TNRC6B: variants seen among roughly 807,000 people sequenced by gnomAD.
TNRC6B encodes the protein trinucleotide repeat-containing gene 6B protein.
In TNRC6B, 52 loss-of-function variants were observed where a neutral mutation model predicts 203.6. That is an observed-to-expected ratio of 0.26 (90% CI 0.20 to 0.32). The LOEUF is 0.32. TNRC6B is among the 10% of genes least tolerant of loss of function. The pLI, the probability that TNRC6B is intolerant of heterozygous loss-of-function variation, is 1.00. For missense variants in TNRC6B, 1,923 were observed against 2,286.2 expected (o/e 0.84, Z 3.24); for synonymous variants, 838 against 845.7 (o/e 0.99, Z 0.16).
intron 21 of TNRC6B, among the ~76,000 whole-genome samples, chr22:40,320,187 T>C (rs1408607711): frequency 6.6e-6 from 1 of 152,148 alleles, no homozygotes; most frequent in Non-Finnish European, 1.5e-5. Context: ...AATACCTATT[T>C]AAGATCTTGA....
intron 1 of TNRC6B, among the ~76,000 whole-genome samples, chr22:40,099,110 C>T (rs542374533): frequency 1.4e-4 from 21 of 151,986 alleles, no homozygotes; most frequent in Admixed American, 2.6e-4. Flanking sequence ...ATTAGCCGGG[C>T]ACCGTGGTGG....
chr22:40,088,119 A>G (rs1285141188), intron 1 of TNRC6B, among the ~76,000 whole-genome samples: 1 of 152,146 alleles, frequency 6.6e-6, no homozygotes, highest in African/African-American at 2.4e-5. Flanking sequence ...CCAAGGATGA[A>G]CTCATAAAAA....
At chr22:40,282,298 G>A (rs1569053107) in intron 11 of TNRC6B, among the ~76,000 whole-genome samples, 1 of 152,168 alleles carries the variant, frequency 6.6e-6, no homozygotes. Flanking sequence ...TCTAATTGCT[G>A]CCTTAGCACA....
chr22:40,128,100 A>G (rs2068509857), intron 3 of TNRC6B, among the ~76,000 whole-genome samples: 1 of 152,224 alleles, frequency 6.6e-6, no homozygotes, highest in South Asian at 2.1e-4. Context: ...GAATAAGAGA[A>G]CATTCTTTTT....
intron 12 of TNRC6B, among the ~76,000 whole-genome samples, chr22:40,296,137 T>G (rs2070935847): frequency 6.6e-6 from 1 of 152,048 alleles, no homozygotes; most frequent in Admixed American, 6.6e-5. Flanking sequence ...AATACCGAAT[T>G]CCAGCCTTAA....
rs202203133 is a variant in TNRC6B at position 40,094,708 on chromosome 22, A to G, written c.-120-22347A>G. 3.3e-5 allele frequency among the ~76,000 whole-genome samples: 5 copies of G among 152,334 alleles called. No individual in the cohort carries two copies. The East Asian group carries it at 7.7e-4, about 23-fold the overall frequency. ...AACGAAAAGTGTTCTTTAGCATTTC[A>G]TTGGTAAGCACTAGCTTGTGGAAAG... On this transcript the variant is annotated intron_variant, in intron 1 of 23. Transcript: ENST00000301923.
intron 20 of TNRC6B, 54 bp from the exon 21 acceptor site, chr22:40,315,888 T>C: frequency 7.2e-7 from 1 of 1,393,114 alleles, no homozygotes; most frequent in Non-Finnish European, 1.0e-6. Context: ...CCCTCATGGC[T>C]TTTCTTGTTT....
At chr22:40,130,764 C>T (rs1418005008) in intron 3 of TNRC6B, among the ~76,000 whole-genome samples, 1 of 99,862 alleles carries the variant, frequency 1.0e-5, no homozygotes, top group Admixed American at 1.4e-4. Context: ...GCCTGGGCGA[C>T]AGGGAGACTC....
rs767299664 is a variant in TNRC6B, at chr22:40,308,575, G to A, written c.4184G>A (p.Arg1395His). 2.5e-6 allele frequency: 4 copies of A among 1,613,830 alleles called. No individual in the cohort carries two copies. The highest frequency in any genetic ancestry group is 1.7e-5 in the Admixed American group (1 of 59,992). The change falls in exon 16 of 23, where the codon CGC (arginine) becomes CAC (histidine). Residue 1395 changes from arginine to histidine, a missense_variant. Coordinates refer to ENST00000454349, the MANE Select transcript of TNRC6B (RefSeq NM_001162501.2). ...GGGAAGGAGGCTGGAACCGAGTCTC[G>A]CTTTAAACAGTGGACCTCCATGATG... ...VGGKEAGTES[R>H]FKQWTSMMEG...
intron 1 of TNRC6B, among the ~76,000 whole-genome samples, chr22:40,068,234 A>G (rs377261993): frequency 1.3e-5 from 2 of 152,174 alleles, no homozygotes; most frequent in South Asian, 2.1e-4. Flanking sequence ...AGTTAACTGT[A>G]TAGTTTCACA....
intron 1 of TNRC6B, among the ~76,000 whole-genome samples, chr22:40,218,669 A>G: frequency 6.6e-6 from 1 of 152,100 alleles, no homozygotes; most frequent in East Asian, 1.9e-4. Context: ...AGACTGACAG[A>G]CATTCTTTTT....
chr22:40,299,955 C>CT (rs1308163702), intron 12 of TNRC6B, among the ~76,000 whole-genome samples: 5 of 152,276 alleles, frequency 3.3e-5, no homozygotes, highest in Non-Finnish European at 7.4e-5. Context: ...GATGCTGGCT[C>CT]TTTTTTTACA....
intron 3 of TNRC6B, among the ~76,000 whole-genome samples, chr22:40,254,652 C>T (rs1414371486): frequency 6.6e-6 from 1 of 152,102 alleles, no homozygotes; most frequent in Non-Finnish European, 1.5e-5. Context: ...CTTTGGGAGG[C>T]CGAGGTGGGC....
chr22:40,124,604 A>G (rs571114879), intron 2 of TNRC6B, among the ~76,000 whole-genome samples: 6 of 152,290 alleles, frequency 3.9e-5, no homozygotes, highest in Non-Finnish European at 8.8e-5. Flanking sequence ...GGCATGAGCC[A>G]CTGCACCTGG....
chr22:40,185,630 T>A (rs2069191430), intron 1 of TNRC6B, among the ~76,000 whole-genome samples: 1 of 152,022 alleles, frequency 6.6e-6, no homozygotes, highest in Non-Finnish European at 1.5e-5. Context: ...CAGGGAGGAT[T>A]GAGGGGAGGT....
chr22:40,266,579 G>C lies in TNRC6B; in HGVS notation c.2349G>C (p.Trp783Cys), dbSNP rs2070483670. The C allele has an allele frequency of 6.2e-7, 1 of 1,613,238 alleles. No homozygotes were observed. Among genetic ancestry groups the C allele is most frequent in the Admixed American group, 1.7e-5 (1 of 59,908 alleles). Residue 783 changes from tryptophan to cysteine, a missense_variant, in exon 5 of 23, where the codon TGG (tryptophan) becomes TGC (cysteine). Physicochemically the swap from Trp to Cys is radical, Grantham distance 215 (BLOSUM62 -2). Around this residue, in one of 8 missense-constraint regions of TNRC6B, gnomAD observed 599 missense variants for 656.5 expected, o/e 0.91. Coordinates refer to ENST00000454349, the MANE Select transcript of TNRC6B (RefSeq NM_001162501.2). ...GEGGQNEIGT[W>C]GNGGNASLAS... ...GAGGGCAGAATGAAATCGGGACTTG[G>C]GGTAATGGTGGCAATGCAAGCCTAG...
chr22:40,311,997 T>TA (rs1255117506), intron 17 of TNRC6B, among the ~76,000 whole-genome samples: 1 of 152,252 alleles, frequency 6.6e-6, no homozygotes, highest in Non-Finnish European at 1.5e-5. Flanking sequence ...CTTATGTATA[T>TA]TCTAGGCTTT....
chr22:40,311,804 A>C (rs2071187758), intron 17 of TNRC6B, among the ~76,000 whole-genome samples: 1 of 152,256 alleles, frequency 6.6e-6, no homozygotes, highest in African/African-American at 2.4e-5. Flanking sequence ...CGGCCTCCCA[A>C]AGTGCCGGGA....
chr22:40,117,822 GT>G (rs777281397), intron 2 of TNRC6B, among the ~76,000 whole-genome samples: 2 of 151,788 alleles, frequency 1.3e-5, no homozygotes, highest in Non-Finnish European at 2.9e-5. Context: ...AAGAGCACCT[GT>G]TGTTATTACA....
Sources: allele counts gnomAD v4.1 joint callset (sites outside exome capture counted in the v4.1 genomes callset), GRCh38; gene constraint gnomAD v4.1.1; regional missense constraint gnomAD v4.1.1; transcripts MANE v1.5; gene names NCBI Gene and HGNC (gene_info 2026-07-23, HGNC 2026-07-21).